Variants in SPATA9 observed in about 807,000 individuals in gnomAD.
SPATA9 encodes the protein spermatogenesis associated 9.
Under a neutral mutation model 25.5 loss-of-function variants are expected in SPATA9, and 27 were observed. The ratio of observed to expected loss-of-function variants is 1.06; its 90% confidence interval spans 0.78 to 1.46. The LOEUF is 1.46. Among genes scored for constraint, SPATA9 ranks in the 40% most tolerant of loss-of-function variants. The pLI is 0.00. For missense variants in SPATA9, 282 were observed against 297.5 expected (o/e 0.95, Z 0.38); for synonymous variants, 102 against 105.7 (o/e 0.97, Z 0.21).
At chr5:95,715,759 CTTCAG>C in the SPATA9 span, among the ~76,000 whole-genome samples, 1 of 152,124 alleles carries the variant, frequency 6.6e-6, no homozygotes, top group African/African-American at 2.4e-5. Context: ...AACTAAAGAA[CTTCAG>C]TTCAGCAAAA....
rs1468045565 is a variant in SPATA9 at position 95,658,984 on chromosome 5, AT to A, written c.475-72del. On this transcript the variant is annotated intron_variant, in intron 4 of 4. Coordinates refer to ENST00000274432, the MANE Select transcript of SPATA9 (RefSeq NM_031952.4). ...ACTAACCACAGATTAAAAACATACA[AT>A]ATAGTGTTCCACATAAAGTCATTTA... The A allele has an allele frequency of 1.3e-5, 20 of 1,510,924 alleles. No homozygotes were observed. The African/African-American group carries it at 2.4e-4, about 18-fold the overall frequency. The allele number at this position is 1,510,924 out of a possible 1,614,324, so 93.6% of individuals were successfully genotyped here.
rs58474152 is a variant in SPATA9, at chr5:95,697,908, A to ATGACATTCCATGAAAATGACATTCCATG, written n.124+679_124+680insCATGGAATGTCATTTTCATGGAATGTCA. On this transcript the variant is annotated intron_variant and non_coding_transcript_variant, in intron 1 of 2. Coordinates refer to the SPATA9 transcript ENST00000379990. ...TTCCATGAAAATGACATTCCATGAA[A>ATGACATTCCATGAAAATGACATTCCATG]AAAAAAAAAGCAGCTCACAGCTCAA... 2.3e-3 allele frequency among the ~76,000 whole-genome samples: 353 copies of ATGACATTCCATGAAAATGACATTCCATG among 151,806 alleles called. 1 individual carries two copies. The highest frequency in any genetic ancestry group is 7.9e-3 in the African/African-American group (327 of 41,378).
At chr5:95,715,183 G>C in the SPATA9 span, among the ~76,000 whole-genome samples, 1 of 152,004 alleles carries the variant, frequency 6.6e-6, no homozygotes, top group Non-Finnish European at 1.5e-5. Flanking sequence ...AATTAGCTGG[G>C]CGTGGTGGTG....
intron 3 of SPATA9, among the ~76,000 whole-genome samples, chr5:95,667,956 C>A (rs1751979588): frequency 6.6e-6 from 1 of 152,138 alleles, no homozygotes; most frequent in Non-Finnish European, 1.5e-5. Context: ...CCTGTTCCAG[C>A]CATGTGAAGT....
chr5:95,715,508 A>G, the SPATA9 span, among the ~76,000 whole-genome samples: 1 of 152,228 alleles, frequency 6.6e-6, no homozygotes, highest in South Asian at 2.1e-4. Context: ...CTCTTTTCAA[A>G]AAATGAAATT....
chr5:95,664,831 G>T (rs1459861004), intron 3 of SPATA9, among the ~76,000 whole-genome samples: 1 of 152,142 alleles, frequency 6.6e-6, no homozygotes, highest in Non-Finnish European at 1.5e-5. Flanking sequence ...CTTCCAAAAG[G>T]TACAGGCTGT....
Position 95,675,575 on chromosome 5 carries a change from C to G in SPATA9, c.215G>C (p.Arg72Pro), listed in dbSNP as rs142489768. Residue 72 changes from arginine to proline, a missense_variant, in exon 3 of 5, where the codon CGA (arginine) becomes CCA (proline). Physicochemically the swap from Arg to Pro is moderately radical, Grantham distance 103 (BLOSUM62 -2). Transcript: ENST00000274432. ...GTTTAATCCACGAATTAATGTTGCT[C>G]GATTAATCTTAGCTAAAGCAATAGC... ...RMAIALAKIN[R>P]ATLIRGLNSI... 28 of 1,613,902 alleles carry G rather than the reference C, an allele frequency of 1.7e-5. No homozygotes were observed. Among genetic ancestry groups the G allele is most frequent in the Non-Finnish European group, 2.3e-5 (27 of 1,180,012 alleles).
At chr5:95,718,918 A>G in the SPATA9 span, among the ~76,000 whole-genome samples, 4 of 152,192 alleles carry the variant, frequency 2.6e-5, no homozygotes, top group Admixed American at 2.6e-4. Flanking sequence ...AACAGGGTAG[A>G]AGGCTGCTTG....
At chr5:95,688,063 C>A (rs1268927851) in intron 1 of SPATA9, among the ~76,000 whole-genome samples, 1 of 152,132 alleles carries the variant, frequency 6.6e-6, no homozygotes, top group Non-Finnish European at 1.5e-5. Flanking sequence ...ATCCCACTAC[C>A]ATGTGTCCAC....
the SPATA9 span, among the ~76,000 whole-genome samples, chr5:95,725,387 A>C: frequency 6.6e-6 from 1 of 152,268 alleles, no homozygotes; most frequent in Non-Finnish European, 1.5e-5. Context: ...GGTTGTAAAA[A>C]TCTAATGAAA....
At chr5:95,653,257 C>A (rs1257100298) in intron 8 of SPATA9, 5 of 1,549,764 alleles carry the variant, frequency 3.2e-6, no homozygotes, top group Non-Finnish European at 4.4e-6. Context: ...CCTTCTCTTG[C>A]TGTAATAGCT....
At chr5:95,656,414 CTG>C, downstream of SPATA9, 1 of 838,448 alleles carries the variant, frequency 1.2e-6, no homozygotes, top group Non-Finnish European at 1.8e-6. Context: ...ATAGGCACAA[CTG>C]TTTAAAATTC....
At position 95,682,607 on chromosome 5, in the gene SPATA9, AT is replaced by A. The variant is rs1347957758; in HGVS notation, c.70del (p.Ile24SerfsTer9). On this transcript the variant is annotated frameshift_variant, in exon 2 of 5. Coordinates refer to ENST00000274432, the MANE Select transcript of SPATA9 (RefSeq NM_031952.4). LOFTEE classifies it high-confidence loss of function. ...TACAAGGTCCATGATTGCTTTCTGG[AT>A]CCCCTCGACTAAGACAAAAAGAGGT... ...LKNFSGRIEG[I>X]QKAIMDLVDE... The A allele has an allele frequency of 1.9e-6, 3 of 1,613,188 alleles. No homozygotes were observed. Among genetic ancestry groups the A allele is most frequent in the Non-Finnish European group, 2.5e-6 (3 of 1,179,644 alleles).
chr5:95,661,825 TACACACACATAC>T (rs1306236276), intron 4 of SPATA9, among the ~76,000 whole-genome samples: 5 of 152,004 alleles, frequency 3.3e-5, no homozygotes, highest in Middle Eastern at 3.4e-3. Context: ...TCAACTTACA[TACACACACATAC>T]ACACACACAT....
chr5:95,655,948 C>A (rs546723296), downstream of SPATA9: 201 of 1,114,550 alleles, frequency 1.8e-4, no homozygotes, highest in African/African-American at 2.8e-3. Context: ...GAAAAGCTAA[C>A]CTGTTTTTTT....
the SPATA9 span, among the ~76,000 whole-genome samples, chr5:95,723,077 T>C: frequency 6.6e-6 from 1 of 152,072 alleles, no homozygotes; most frequent in Non-Finnish European, 1.5e-5. Flanking sequence ...GGATTTCACA[T>C]GTACATAACA....
chr5:95,689,230 C>T (rs1160730130), intron 1 of SPATA9, among the ~76,000 whole-genome samples: 1 of 151,980 alleles, frequency 6.6e-6, no homozygotes, highest in African/African-American at 2.4e-5. Context: ...TAAATAATAC[C>T]GACTATATTA....
intron 2 of SPATA9, 86 bp from the exon 3 acceptor site, chr5:95,675,725 T>A (rs2112646172): frequency 9.7e-7 from 1 of 1,033,610 alleles, no homozygotes. Context: ...GACTACTATA[T>A]AACTACATTG....
chr5:95,714,345 G>A, the SPATA9 span, among the ~76,000 whole-genome samples: 3 of 152,168 alleles, frequency 2.0e-5, no homozygotes, highest in East Asian at 1.9e-4. Context: ...TGTATAGCAA[G>A]AGGAGAGAAA....
Sources: allele counts gnomAD v4.1 joint callset (sites outside exome capture counted in the v4.1 genomes callset), GRCh38; gene constraint gnomAD v4.1.1; transcripts MANE v1.5; gene names NCBI Gene and HGNC (gene_info 2026-07-23, HGNC 2026-07-21).